Variants in KLF8 observed in about 807,000 individuals in gnomAD.
KLF8 encodes the protein Krueppel-like factor 8.
In KLF8, 10 loss-of-function variants were observed where a neutral mutation model predicts 18.2. That is an observed-to-expected ratio of 0.55 (90% CI 0.34 to 0.93). The LOEUF is 0.93. Among genes scored for constraint, KLF8 ranks in the 40% least tolerant of loss-of-function variants. The pLI is 0.02. For missense variants in KLF8, 264 were observed against 277.9 expected (o/e 0.95, Z 0.36); for synonymous variants, 109 against 97.3 (o/e 1.12, Z -0.71).
the KLF8 span, among the ~76,000 whole-genome samples, chrX:56,209,999 T>C: frequency 8.9e-6 from 1 of 112,391 alleles, no homozygotes; most frequent in East Asian, 2.8e-4. Context: ...TCAATGACTA[T>C]GTCTTGAAAA....
chrX:56,153,340 G>C, the KLF8 span, among the ~76,000 whole-genome samples: 1 of 108,782 alleles, frequency 9.2e-6, no homozygotes, highest in East Asian at 2.9e-4. Flanking sequence ...GGGGAACAGA[G>C]AGGGACTCAT....
the KLF8 span, among the ~76,000 whole-genome samples, chrX:56,154,313 A>G: frequency 1.1e-4 from 12 of 111,861 alleles, no homozygotes; most frequent in Non-Finnish European, 2.3e-4. Context: ...ATCTATAACT[A>G]TCTGATCTTT....
the KLF8 span, among the ~76,000 whole-genome samples, chrX:56,116,634 GATATATATATATATATATAT>G: frequency 4.2e-3 from 327 of 78,152 alleles, 1 homozygote; most frequent in African/African-American, 0.015. Flanking sequence ...ATGATGTTCT[GATATATATATATATATATAT>G]ATATATATAT....
At chrX:56,188,001 A>G in the KLF8 span, among the ~76,000 whole-genome samples, 6 of 111,511 alleles carry the variant, frequency 5.4e-5, no homozygotes, top group South Asian at 3.8e-4. Flanking sequence ...CCTATTCAAC[A>G]TAGTGTTGGA....
chrX:55,966,973 T>A, the KLF8 span, among the ~76,000 whole-genome samples: 1 of 112,025 alleles, frequency 8.9e-6, no homozygotes, highest in Non-Finnish European at 1.9e-5. Flanking sequence ...AAAAATGCAG[T>A]TGACATACTG....
the KLF8 span, among the ~76,000 whole-genome samples, chrX:56,010,914 A>G: frequency 8.9e-6 from 1 of 112,517 alleles, no homozygotes; most frequent in East Asian, 2.8e-4. Flanking sequence ...ATTCAACAAG[A>G]AGAGCTAATT....
the KLF8 span, among the ~76,000 whole-genome samples, chrX:55,922,484 G>A: frequency 2.7e-5 from 3 of 112,330 alleles, no homozygotes; most frequent in Admixed American, 9.4e-5. Context: ...GGGAGGGAGA[G>A]CATCAAGATA....
At chrX:56,203,875 T>A in the KLF8 span, among the ~76,000 whole-genome samples, 4 of 111,831 alleles carry the variant, frequency 3.6e-5, no homozygotes, top group Admixed American at 9.5e-5. Context: ...GGTTTTATTG[T>A]TCTTGGTTAG....
At chrX:55,939,963 A>G in the KLF8 span, among the ~76,000 whole-genome samples, 1 of 112,139 alleles carries the variant, frequency 8.9e-6, no homozygotes, top group South Asian at 3.8e-4. Flanking sequence ...AGGAGCTAGT[A>G]ACATTCCTTC....
the KLF8 span, among the ~76,000 whole-genome samples, chrX:56,051,686 C>G: frequency 9.1e-6 from 1 of 110,306 alleles, no homozygotes; most frequent in Non-Finnish European, 1.9e-5. Flanking sequence ...ACCTTTCTCT[C>G]TGGCTGCCCT....
chrX:56,089,970 C>T, the KLF8 span, among the ~76,000 whole-genome samples: 6 of 111,834 alleles, frequency 5.4e-5, no homozygotes, highest in African/African-American at 1.9e-4. Context: ...TCCAGAGAAA[C>T]TATTTTGCCA....
At chrX:56,181,256 T>C in the KLF8 span, among the ~76,000 whole-genome samples, 1 of 111,333 alleles carries the variant, frequency 9.0e-6, no homozygotes, top group South Asian at 3.8e-4. Context: ...TGGTTTAAAG[T>C]CTGTTTTTTT....
At chrX:56,135,729 A>T in the KLF8 span, among the ~76,000 whole-genome samples, 3 of 111,734 alleles carry the variant, frequency 2.7e-5, no homozygotes, top group Non-Finnish European at 3.8e-5. Context: ...AATAACAACA[A>T]TACAATTCTG....
At chrX:56,075,364 ATT>A in the KLF8 span, among the ~76,000 whole-genome samples, 2 of 110,214 alleles carry the variant, frequency 1.8e-5, no homozygotes, top group African/African-American at 3.3e-5. Flanking sequence ...AGCTTTTTAA[ATT>A]TTTTTTATTT....
the KLF8 span, among the ~76,000 whole-genome samples, chrX:56,058,088 C>T: frequency 3.0e-5 from 3 of 100,555 alleles, no homozygotes; most frequent in African/African-American, 1.1e-4. Context: ...CTTCTCTCCA[C>T]TCTGATGATA....
At chrX:56,186,976 A>C in the KLF8 span, among the ~76,000 whole-genome samples, 1 of 111,725 alleles carries the variant, frequency 9.0e-6, no homozygotes, top group Non-Finnish European at 1.9e-5. Flanking sequence ...CTAGAGAAGC[A>C]ACAGCAAACA....
At chrX:56,171,515 C>T in the KLF8 span, among the ~76,000 whole-genome samples, 1 of 110,481 alleles carries the variant, frequency 9.1e-6, no homozygotes, top group Non-Finnish European at 1.9e-5. Context: ...TAATGTTATC[C>T]CTCCCCCTCC....
chrX:56,052,720 TG>T, the KLF8 span, among the ~76,000 whole-genome samples: 1 of 111,995 alleles, frequency 8.9e-6, no homozygotes, highest in African/African-American at 3.2e-5. Flanking sequence ...GCTGTCTTTT[TG>T]TTTGTCTGTG....
chrX:56,081,923 G>T, the KLF8 span, among the ~76,000 whole-genome samples: 1 of 111,576 alleles, frequency 9.0e-6, no homozygotes, highest in East Asian at 2.8e-4. Flanking sequence ...AGTTTTTGTG[G>T]TATATTAATC....
Sources: gnomAD v4.1 joint callset for allele counts (sites outside exome capture counted in the v4.1 genomes callset) on GRCh38, gnomAD v4.1.1 for gene constraint, MANE v1.5 for transcripts, NCBI Gene and HGNC (gene_info 2026-07-23, HGNC 2026-07-21) for gene names.